The following AKAP13 variants were observed in gnomAD, a reference collection of about 807,000 sequenced individuals.
AKAP13 encodes A-kinase anchoring protein 13.
AKAP13 carries 80 observed loss-of-function variants against 264.5 expected under a neutral mutation model. The ratio of observed to expected loss-of-function variants is 0.30; its 90% CI spans 0.25 to 0.36. The LOEUF is 0.36. AKAP13 is among the 10% of genes least tolerant of loss of function. AKAP13 has a pLI of 1.00. For missense variants in AKAP13, 3,712 were observed against 3,435.2 expected (o/e 1.08, Z -2.01); for synonymous variants, 1,380 against 1,250.2 (o/e 1.10, Z -2.19).
At chr15:85,661,004 C>A (rs1197407905) in intron 12 of AKAP13, among the ~76,000 whole-genome samples, 1 of 152,184 alleles carries the variant, frequency 6.6e-6, no homozygotes, top group Non-Finnish European at 1.5e-5. Context: ...GCCTTCCCAT[C>A]TGCAAGATTC....
At chr15:85,555,191 C>T (rs370723278) in intron 5 of AKAP13, among the ~76,000 whole-genome samples, 1 of 152,092 alleles carries the variant, frequency 6.6e-6, no homozygotes, top group Non-Finnish European at 1.5e-5. Flanking sequence ...TAGCTACCCC[C>T]CACCCCCTAC....
intron 5 of AKAP13, among the ~76,000 whole-genome samples, chr15:85,569,277 G>C (rs1347968969): frequency 1.3e-5 from 2 of 152,064 alleles, no homozygotes; most frequent in Non-Finnish European, 2.9e-5. Context: ...AATTGGGGCT[G>C]TGGGAAAGGA....
In AKAP13 at chr15:85,719,334, T is replaced by C; in HGVS notation, c.6252+8T>C. On this transcript the variant is annotated splice_region_variant and intron_variant, in intron 23 of 36. Transcript: ENST00000394518. ...GATGTGCTTGTAAATCAGGTGAGAATGGGAAGGATCTCAGGTTCTTACATA... is the reference window on the plus strand; with the variant it reads ...GATGTGCTTGTAAATCAGGTGAGAACGGGAAGGATCTCAGGTTCTTACATA... The C allele has an allele frequency of 6.2e-7, 1 of 1,613,864 alleles. No individual in the cohort carries two copies. Among genetic ancestry groups the C allele is most frequent in the Non-Finnish European group, 8.5e-7 (1 of 1,179,852 alleles).
chr15:85,448,351 A>C (rs2073969217), intron 1 of AKAP13, among the ~76,000 whole-genome samples: 1 of 152,192 alleles, frequency 6.6e-6, no homozygotes. Context: ...TTTGCTGTGC[A>C]GAAGTTCTTA....
chr15:85,423,971 G>T (rs2072647266), intron 1 of AKAP13, among the ~76,000 whole-genome samples: 1 of 152,168 alleles, frequency 6.6e-6, no homozygotes, highest in African/African-American at 2.4e-5. Flanking sequence ...TGGGCAGTAG[G>T]TCACAACAGT....
intron 16 of AKAP13, chr15:85,689,981 T>C (rs2085187030): frequency 6.6e-6 from 1 of 152,266 alleles, no homozygotes; most frequent in African/African-American, 2.4e-5. Flanking sequence ...CCTGACGGCA[T>C]GCGCCCCCGC....
intron 1 of AKAP13, among the ~76,000 whole-genome samples, chr15:85,433,883 G>A (rs2073136959): frequency 6.6e-6 from 1 of 152,124 alleles, no homozygotes; most frequent in East Asian, 1.9e-4. Flanking sequence ...GGAGGTTGCG[G>A]TGAGCCGAGA....
intron 5 of AKAP13, among the ~76,000 whole-genome samples, chr15:85,573,973 T>C (rs2078918700): frequency 6.6e-6 from 1 of 152,206 alleles, no homozygotes; most frequent in South Asian, 2.1e-4. Context: ...AGTGCTTAGA[T>C]TATAATATCT....
chr15:85,597,823 C>T (rs1434394141), intron 8 of AKAP13, among the ~76,000 whole-genome samples: 2 of 151,960 alleles, frequency 1.3e-5, no homozygotes, highest in Non-Finnish European at 2.9e-5. Context: ...AAATTGTTAC[C>T]TACCAACCCA....
intron 4 of AKAP13, 152 bp downstream of exon 4, chr15:85,534,032 C>A: frequency 1.2e-6 from 1 of 802,142 alleles, no homozygotes; most frequent in Non-Finnish European, 1.9e-6. Flanking sequence ...GCCTCAATGG[C>A]ATCTCTTCTA....
chr15:85,682,637 T>TA (rs2084657535), intron 15 of AKAP13, among the ~76,000 whole-genome samples: 1 of 152,254 alleles, frequency 6.6e-6, no homozygotes, highest in African/African-American at 2.4e-5. Flanking sequence ...ATGTAAATGA[T>TA]ACATAGCTCT....
intron 14 of AKAP13, among the ~76,000 whole-genome samples, chr15:85,671,392 C>T (rs2083916543): frequency 7.2e-6 from 1 of 138,384 alleles, no homozygotes; most frequent in Non-Finnish European, 1.5e-5. Flanking sequence ...TGTGATGGCA[C>T]CACTGCATCC....
chr15:85,573,081 C>T (rs997364075), intron 5 of AKAP13, among the ~76,000 whole-genome samples: 1 of 152,174 alleles, frequency 6.6e-6, no homozygotes, highest in East Asian at 1.9e-4. Flanking sequence ...TAATGACAGA[C>T]AGGTGTGACT....
At chr15:85,636,732 A>G (rs1044347098) in intron 8 of AKAP13, among the ~76,000 whole-genome samples, 2 of 151,806 alleles carry the variant, frequency 1.3e-5, no homozygotes, top group Non-Finnish European at 2.9e-5. Flanking sequence ...CTCATGCCTC[A>G]GGCTCCCTAG....
intron 1 of AKAP13, among the ~76,000 whole-genome samples, chr15:85,387,523 C>G (rs1015450588): frequency 2.5e-4 from 38 of 152,172 alleles, no homozygotes; most frequent in African/African-American, 8.7e-4. Flanking sequence ...CAGAGTCTCT[C>G]TATGTTGCCC....
chr15:85,625,034 C>G lies in AKAP13; in HGVS notation c.4162-14340C>G, dbSNP rs141061608. On this transcript the variant is annotated intron_variant, in intron 8 of 36. Transcript: ENST00000394518. Reference sequence around the variant, plus strand: ...CTGGTTGTCATGGAGATAATATGGACAAAGGAAAACCAATGACTATGTTTT... The same window carrying G: ...CTGGTTGTCATGGAGATAATATGGAGAAAGGAAAACCAATGACTATGTTTT... 6.2e-3 allele frequency among the ~76,000 whole-genome samples: 951 copies of G among 152,272 alleles called. 11 individuals carry two copies. The highest frequency in any genetic ancestry group is 0.021 in the African/African-American group (892 of 41,554).
At chr15:85,406,110 C>G (rs751993684) in intron 1 of AKAP13, among the ~76,000 whole-genome samples, 1 of 152,164 alleles carries the variant, frequency 6.6e-6, no homozygotes, top group Non-Finnish European at 1.5e-5. Context: ...CCTTGGCGTC[C>G]CAAAGTGCTG....
chr15:85,673,577 C>G (rs567872280), intron 14 of AKAP13, among the ~76,000 whole-genome samples: 3 of 150,398 alleles, frequency 2.0e-5, no homozygotes, highest in Admixed American at 2.0e-4. Context: ...TGCTGGGAAA[C>G]ATAGATGGTT....
intron 1 of AKAP13, among the ~76,000 whole-genome samples, chr15:85,423,029 A>G (rs1490361023): frequency 3.3e-5 from 5 of 152,222 alleles, no homozygotes; most frequent in African/African-American, 1.2e-4. Flanking sequence ...CATTGCATCT[A>G]AAACTGTACA....
Sources: allele counts gnomAD v4.1 joint callset (sites outside exome capture counted in the v4.1 genomes callset), GRCh38; gene constraint gnomAD v4.1.1; transcripts MANE v1.5; gene names NCBI Gene and HGNC (gene_info 2026-07-23, HGNC 2026-07-21).